Variants in DNAJC5 observed in about 807,000 individuals in gnomAD.
DNAJC5 encodes DnaJ heat shock protein family (Hsp40) member C5.
In DNAJC5, 1 loss-of-function variant was observed where a neutral mutation model predicts 23.2. That is an observed-to-expected ratio of 0.04 (90% CI 0.02 to 0.20). DNAJC5 has a LOEUF of 0.20. Ranked by LOEUF, DNAJC5 falls within the 10% of genes least tolerant of loss-of-function variation. The pLI is 1.00. For synonymous variants in DNAJC5, 136 were observed against 120.0 expected (o/e 1.13, Z -0.87); for missense variants, 180 against 267.0 (o/e 0.67, Z 2.27).
intron 1 of DNAJC5, among the ~76,000 whole-genome samples, chr20:63,905,557 G>A (rs1475189309): frequency 6.7e-6 from 1 of 149,326 alleles, no homozygotes; most frequent in South Asian, 2.1e-4. Flanking sequence ...ACACATGACC[G>A]CACATGGCAG....
At chr20:63,921,316 G>A (rs2053570161) in intron 1 of DNAJC5, among the ~76,000 whole-genome samples, 1 of 152,114 alleles carries the variant, frequency 6.6e-6, no homozygotes, top group Non-Finnish European at 1.5e-5. Context: ...CTGAGGCCGG[G>A]CCTGGTGGCT....
At chr20:63,898,710 G>A (rs1292801924) in intron 1 of DNAJC5, among the ~76,000 whole-genome samples, 1 of 152,062 alleles carries the variant, frequency 6.6e-6, no homozygotes, top group African/African-American at 2.4e-5. Flanking sequence ...GTGTGGTGGC[G>A]GGCACCTGTA....
intron 1 of DNAJC5, among the ~76,000 whole-genome samples, chr20:63,905,013 C>G (rs568157727): frequency 6.6e-6 from 1 of 151,278 alleles, no homozygotes; most frequent in South Asian, 2.1e-4. Context: ...CCATGTTGGC[C>G]AGGCTGGTCT....
intron 1 of DNAJC5, among the ~76,000 whole-genome samples, chr20:63,926,410 G>A (rs2053616820): frequency 6.6e-6 from 1 of 152,126 alleles, no homozygotes; most frequent in African/African-American, 2.4e-5. Flanking sequence ...TGATTTCCTT[G>A]CTTGCATTTA....
intron 1 of DNAJC5, among the ~76,000 whole-genome samples, chr20:63,901,723 G>A (rs187505471): frequency 1.1e-4 from 16 of 152,346 alleles, no homozygotes; most frequent in African/African-American, 3.6e-4. Context: ...GCAGCAGAGC[G>A]AATGTTTGGA....
chr20:63,931,498 C>T lies in DNAJC5; in HGVS notation c.527C>T (p.Ala176Val), dbSNP rs199540600. The T allele has an allele frequency of 5.7e-6, 9 of 1,578,454 alleles. No individual in the cohort carries two copies. Among genetic ancestry groups the T allele is most frequent in the Non-Finnish European group, 7.7e-6 (9 of 1,167,634 alleles). Residue 176 changes from alanine (A) to valine (V), a missense_variant, in exon 5 of 5, where the codon GCA (alanine) becomes GTA (valine). Transcript: ENST00000360864. The surrounding 1 kb of genome is among the most constrained non-coding windows in gnomAD (Gnocchi z 9.6). ...GACACGCCGATCGTCATACAGCCGG[C>T]ATCCGCCACCGAGACCACCCAGCTC... Reference protein sequence around the residue: ...ATDTPIVIQPASATETTQLTA... With the variant: ...ATDTPIVIQPVSATETTQLTA...
At chr20:63,914,500 G>A (rs1458082832) in intron 1 of DNAJC5, among the ~76,000 whole-genome samples, 1 of 152,026 alleles carries the variant, frequency 6.6e-6, no homozygotes, top group South Asian at 2.1e-4. Context: ...GGTATTTTTT[G>A]TAGAGACGGG....
In DNAJC5 at chr20:63,932,719, C is replaced by G. The variant is rs1415336961; in HGVS notation, c.*1151C>G. The G allele has an allele frequency of 6.6e-6, 1 of 152,310 alleles. No homozygotes were observed. Among genetic ancestry groups the G allele is most frequent in the African/African-American group, 2.4e-5 (1 of 41,434 alleles). 9.4% of individuals were successfully genotyped at this position (152,310 alleles called of 1,614,324 possible). On this transcript the variant is annotated 3_prime_UTR_variant, in exon 5 of 5. Coordinates refer to ENST00000360864, the MANE Select transcript of DNAJC5 (RefSeq NM_025219.3). The surrounding 1 kb of genome is among the most constrained non-coding windows in gnomAD (Gnocchi z 4.4). The stretch of plus-strand genomic sequence containing the variant: ...GGACTGACTGGACCAGAGGGACCCT[C>G]TGGCTCAGGAGGGTTGGGTCCCTGG...
intron 1 of DNAJC5, among the ~76,000 whole-genome samples, chr20:63,905,437 G>C (rs2053442022): frequency 6.6e-6 from 1 of 151,812 alleles, no homozygotes; most frequent in Non-Finnish European, 1.5e-5. Context: ...TGTTTTAAGA[G>C]ACAAGGTCTC....
intron 1 of DNAJC5, among the ~76,000 whole-genome samples, chr20:63,918,354 GA>G (rs907810241): frequency 6.7e-6 from 1 of 149,246 alleles, no homozygotes; most frequent in African/African-American, 2.5e-5. Flanking sequence ...TGTCTCAAAG[GA>G]AAAAAAAAGC....
chr20:63,905,418 G>A (rs2053441803), intron 1 of DNAJC5, among the ~76,000 whole-genome samples: 1 of 151,780 alleles, frequency 6.6e-6, no homozygotes, highest in African/African-American at 2.4e-5. Context: ...ACCCGGGGCT[G>A]GATTTTTTTG....
chr20:63,904,099 C>T (rs1360787601), intron 1 of DNAJC5, among the ~76,000 whole-genome samples: 3 of 152,046 alleles, frequency 2.0e-5, no homozygotes, highest in Non-Finnish European at 4.4e-5. Flanking sequence ...ATGAGGCAAA[C>T]CGTGGTTTGT....
intron 1 of DNAJC5, among the ~76,000 whole-genome samples, chr20:63,912,470 A>G (rs2053488587): frequency 6.6e-6 from 1 of 152,186 alleles, no homozygotes; most frequent in South Asian, 2.1e-4. Context: ...ATAAAAATCC[A>G]GAAATACACA....
At chr20:63,916,912 T>G (rs1417993970) in intron 1 of DNAJC5, among the ~76,000 whole-genome samples, 2 of 152,218 alleles carry the variant, frequency 1.3e-5, no homozygotes, top group Non-Finnish European at 2.9e-5. Context: ...ACACAGGCAG[T>G]CAGACCTTAT....
intron 1 of DNAJC5, among the ~76,000 whole-genome samples, chr20:63,917,137 C>T (rs1292043161): frequency 6.6e-6 from 1 of 152,232 alleles, no homozygotes; most frequent in African/African-American, 2.4e-5. Flanking sequence ...TATTTGGAAA[C>T]TGGTAAATGT....
At position 63,933,641 on chromosome 20, in the gene DNAJC5, C is replaced by G. The variant is rs1429633628; in HGVS notation, c.*2073C>G. 2 of 152,382 alleles carry G rather than the reference C, an allele frequency of 1.3e-5. No homozygotes were observed. The highest frequency in any genetic ancestry group is 4.8e-5 in the African/African-American group (2 of 41,462). The allele number at this position is 152,382 out of a possible 1,614,324, so 9.4% of individuals were successfully genotyped here. On this transcript the variant is annotated 3_prime_UTR_variant, in exon 5 of 5. Transcript: ENST00000360864. ...GCCTCCGTGCCGCTTCGTGCAGCAGCAAGTTCAGCCTGAGATGCTGGCTGT... is the reference window on the plus strand; with the variant it reads ...GCCTCCGTGCCGCTTCGTGCAGCAGGAAGTTCAGCCTGAGATGCTGGCTGT...
intron 1 of DNAJC5, among the ~76,000 whole-genome samples, chr20:63,927,049 G>A (rs1237566815): frequency 1.3e-5 from 2 of 152,208 alleles, no homozygotes; most frequent in African/African-American, 4.8e-5. Context: ...CTAAGTCAGG[G>A]ATAGTGCTGT....
intron 1 of DNAJC5, among the ~76,000 whole-genome samples, chr20:63,904,952 C>T (rs1173248059): frequency 2.6e-5 from 4 of 151,096 alleles, no homozygotes; most frequent in Middle Eastern, 3.2e-3. Context: ...TACAGGTGCC[C>T]GCCACCACGC....
Position 63,908,588 on chromosome 20 carries a change from T to A in DNAJC5, c.-12+13265T>A, listed in dbSNP as rs149118305. On this transcript the variant is annotated intron_variant, in intron 1 of 4. Coordinates refer to ENST00000360864, the MANE Select transcript of DNAJC5 (RefSeq NM_025219.3). Reference sequence around the variant, plus strand: ...GCAAGTAGGATTGTGGTCATAGGTATTTTTATGAATTTGTGTTATGTGAAG... The same window carrying A: ...GCAAGTAGGATTGTGGTCATAGGTAATTTTATGAATTTGTGTTATGTGAAG... Among the ~76,000 whole-genome samples the A allele has an allele frequency of 2.2e-3, 331 of 152,304 alleles. 3 individuals carry two copies. Among genetic ancestry groups the A allele is most frequent in the African/African-American group, 7.6e-3 (314 of 41,562 alleles).
Sources: allele counts gnomAD v4.1 joint callset (sites outside exome capture counted in the v4.1 genomes callset), GRCh38; gene constraint gnomAD v4.1.1; non-coding constraint Gnocchi (gnomAD v3.1); transcripts MANE v1.5; gene names NCBI Gene and HGNC (gene_info 2026-07-23, HGNC 2026-07-21).